Variants in DNAJC6 observed in about 807,000 individuals in gnomAD.
DNAJC6 encodes the protein auxilin.
A neutral mutation model predicts 110.0 loss-of-function variants in DNAJC6; 34 were observed. The observed-to-expected ratio is 0.31, with a 90% CI of 0.24 to 0.41. The LOEUF (loss-of-function observed/expected upper bound fraction) is 0.41, where lower values mean the gene tolerates loss of function less well. Ranked by LOEUF, DNAJC6 falls within the 10% of genes least tolerant of loss-of-function variation. The pLI is 1.00. For missense variants in DNAJC6, 1,031 were observed against 1,207.8 expected, an observed-to-expected ratio of 0.85 and a Z score of 2.17; for synonymous variants, 406 against 437.2, an observed-to-expected ratio of 0.93 and a Z score of 0.89.
intron 1 of DNAJC6, among the ~76,000 whole-genome samples, chr1:65,355,423 T>C (rs144856843): frequency 1.3e-5 from 2 of 152,282 alleles, no homozygotes; most frequent in African/African-American, 4.8e-5. Flanking sequence ...GCCTGACTCA[T>C]TGGCATTACC....
intron 1 of DNAJC6, among the ~76,000 whole-genome samples, chr1:65,343,350 C>T (rs1645407117): frequency 1.3e-5 from 2 of 152,170 alleles, no homozygotes; most frequent in South Asian, 4.1e-4. Context: ...AGTAGACTAC[C>T]TTACCTGTGG....
chr1:65,355,725 T>C (rs1645536717), intron 1 of DNAJC6, among the ~76,000 whole-genome samples: 1 of 151,788 alleles, frequency 6.6e-6, no homozygotes, highest in South Asian at 2.1e-4. Flanking sequence ...GATAAAGAGG[T>C]TCACTTCTGT....
chr1:65,272,396 G>T (rs74080370), intron 1 of DNAJC6, among the ~76,000 whole-genome samples: 17 of 152,152 alleles, frequency 1.1e-4, no homozygotes, highest in Non-Finnish European at 2.4e-4. Flanking sequence ...AAACAACTTC[G>T]TTGTGATATC....
chr1:65,305,798 C>A (rs1645031713), upstream of DNAJC6, among the ~76,000 whole-genome samples: 1 of 152,126 alleles, frequency 6.6e-6, no homozygotes, highest in Non-Finnish European at 1.5e-5. Flanking sequence ...CTTAGGTAAG[C>A]TGGGCAGATT....
At chr1:65,279,530 TTAA>T (rs1653778514) in intron 1 of DNAJC6, 1 of 152,138 alleles carries the variant, frequency 6.6e-6, no homozygotes, top group South Asian at 2.1e-4. Flanking sequence ...TATGTTAATA[TTAA>T]TGTTAAGTCA....
chr1:65,293,098 A>G (rs1244516975), intron 1 of DNAJC6, among the ~76,000 whole-genome samples: 1 of 152,250 alleles, frequency 6.6e-6, no homozygotes, highest in Non-Finnish European at 1.5e-5. Flanking sequence ...CCTCTGCCTC[A>G]GTCAGCTCAG....
At chr1:65,376,516 G>A (rs35011445) in intron 4 of DNAJC6, among the ~76,000 whole-genome samples, 1 of 151,424 alleles carries the variant, frequency 6.6e-6, no homozygotes, top group African/African-American at 2.4e-5. Context: ...TTCGATATAG[G>A]TGTTTATTGC....
intron 6 of DNAJC6, among the ~76,000 whole-genome samples, chr1:65,385,470 T>G (rs1570357714): frequency 6.6e-6 from 1 of 152,322 alleles, no homozygotes; most frequent in East Asian, 1.9e-4. Context: ...AAAATTCCCA[T>G]AAGCTTTTTG....
intron 4 of DNAJC6, among the ~76,000 whole-genome samples, chr1:65,371,114 A>C (rs1193036931): frequency 1.3e-5 from 2 of 152,202 alleles, no homozygotes; most frequent in Non-Finnish European, 2.9e-5. Context: ...TACAGCCATC[A>C]CTTGAAGCTG....
At chr1:65,267,089 G>T (rs868744872) in intron 1 of DNAJC6, among the ~76,000 whole-genome samples, 1 of 152,030 alleles carries the variant, frequency 6.6e-6, no homozygotes, top group Non-Finnish European at 1.5e-5. Context: ...TAGAGATGGG[G>T]TTTCACCATC....
intron 2 of DNAJC6, 92 bp downstream of exon 2, chr1:65,364,877 C>G (rs1421020523): frequency 1.4e-6 from 2 of 1,479,548 alleles, no homozygotes; most frequent in Non-Finnish European, 1.8e-6. Flanking sequence ...CAAAGAGTGT[C>G]AATTTTGGGA....
chr1:65,402,202 A>G (rs1223207622), intron 15 of DNAJC6, among the ~76,000 whole-genome samples: 1 of 152,216 alleles, frequency 6.6e-6, no homozygotes, highest in East Asian at 1.9e-4. Flanking sequence ...AAACAGTATG[A>G]GACAGGGCTG....
intron 1 of DNAJC6, among the ~76,000 whole-genome samples, chr1:65,333,571 A>T (rs1645307821): frequency 6.6e-6 from 1 of 152,090 alleles, no homozygotes; most frequent in Non-Finnish European, 1.5e-5. Flanking sequence ...CGGGATTCCA[A>T]CCCGTATGTT....
intron 13 of DNAJC6, among the ~76,000 whole-genome samples, chr1:65,397,225 A>G (rs891640178): frequency 1.6e-4 from 25 of 152,192 alleles, no homozygotes; most frequent in African/African-American, 6.0e-4. Flanking sequence ...CCGTCTTCAC[A>G]TAGGACAGAA....
At chr1:65,388,185 A>G in intron 8 of DNAJC6, 151 bp from the exon 9 acceptor site, 1 of 695,246 alleles carries the variant, frequency 1.4e-6, no homozygotes, top group Non-Finnish European at 2.5e-6. Flanking sequence ...AGCTGAGCCT[A>G]TTCTAACTGG....
intron 1 of DNAJC6, among the ~76,000 whole-genome samples, chr1:65,357,403 G>A (rs912897656): frequency 6.6e-6 from 1 of 152,220 alleles, no homozygotes; most frequent in Non-Finnish European, 1.5e-5. Context: ...ATGTTCTGTG[G>A]AAGTGTTTTT....
At chr1:65,404,104 C>T (rs746626315) in intron 15 of DNAJC6, among the ~76,000 whole-genome samples, 2 of 152,210 alleles carry the variant, frequency 1.3e-5, no homozygotes, top group African/African-American at 4.8e-5. Flanking sequence ...TGTATGTTCC[C>T]GTGCTATTGG....
At chr1:65,268,007 A>G (rs1196105093) in intron 1 of DNAJC6, among the ~76,000 whole-genome samples, 2 of 152,192 alleles carry the variant, frequency 1.3e-5, no homozygotes, top group Admixed American at 6.5e-5. Context: ...ACTAAAAATT[A>G]GAGTCTCTGT....
intron 1 of DNAJC6, among the ~76,000 whole-genome samples, chr1:65,301,289 CA>C (rs1557507153): frequency 6.6e-6 from 1 of 152,102 alleles, no homozygotes; most frequent in African/African-American, 2.4e-5. Context: ...CAAAAATCAA[CA>C]CAAATTAAAG....
Sources: gnomAD v4.1 joint callset for allele counts (sites outside exome capture counted in the v4.1 genomes callset) on GRCh38, gnomAD v4.1.1 for gene constraint, MANE v1.5 for transcripts, NCBI Gene and HGNC (gene_info 2026-07-23, HGNC 2026-07-21) for gene names.